Variants in ABTB2 observed in about 807,000 individuals in gnomAD.
ABTB2 encodes the protein ankyrin repeat and BTB domain containing 2.
In ABTB2, 56 loss-of-function variants were observed where a neutral mutation model predicts 104.1. The observed-to-expected ratio is 0.54, with a 90% CI of 0.43 to 0.67. The LOEUF is 0.67. Ranked by LOEUF, ABTB2 falls within the 30% of genes least tolerant of loss-of-function variation. The probability of loss-of-function intolerance (pLI) is 0.00; values close to 1 mark genes in which losing one functional copy is unlikely to be tolerated. For missense variants in ABTB2, 1,279 were observed against 1,407.7 expected, an observed-to-expected ratio of 0.91 and a Z score of 1.46; for synonymous variants, 606 against 608.2, an observed-to-expected ratio of 1.00 and a Z score of 0.05.
chr11:34,331,633 G>T (rs1409972712), intron 1 of ABTB2, among the ~76,000 whole-genome samples: 2 of 152,116 alleles, frequency 1.3e-5, no homozygotes, highest in African/African-American at 4.8e-5. Flanking sequence ...CTGTAATGAG[G>T]TTACTCTCTT....
In ABTB2 at chr11:34,169,727, TCC is replaced by T. The variant is rs1205221829; in HGVS notation, c.1563+1177_1563+1178del. ...TGGAAGTCCAGTGCTGGGCCTGTGG[TCC>T]TTCCCCAACCCCTGGCCTGGGTCCA... On this transcript the variant is annotated intron_variant, in intron 5 of 16. Coordinates refer to ENST00000435224, the MANE Select transcript of ABTB2 (RefSeq NM_145804.3). Among the ~76,000 whole-genome samples the T allele has an allele frequency of 1.1e-4, 16 of 152,064 alleles. No homozygotes were observed. The East Asian group carries it at 3.1e-3, about 29-fold the overall frequency.
chr11:34,312,722 A>G (rs1854872547), intron 1 of ABTB2, among the ~76,000 whole-genome samples: 1 of 152,082 alleles, frequency 6.6e-6, no homozygotes, highest in Admixed American at 6.5e-5. Context: ...CTTTTTGGAG[A>G]CAGGGTCCCA....
chr11:34,294,453 G>A (rs1484990278), intron 1 of ABTB2, among the ~76,000 whole-genome samples: 1 of 152,218 alleles, frequency 6.6e-6, no homozygotes, highest in African/African-American at 2.4e-5. Context: ...CTTGATTGTT[G>A]CTGATGGGAG....
At position 34,160,278 on chromosome 11, in the gene ABTB2, C is replaced by T. The variant is rs2133004293; in HGVS notation, c.2473G>A (p.Glu825Lys). 6.2e-7 allele frequency: 1 copy of T among 1,614,116 alleles called. No homozygotes were observed. The highest frequency in any genetic ancestry group is 2.2e-5 in the East Asian group (1 of 44,858). Residue 825 changes from glutamate (E) to lysine (K), a missense_variant, in exon 12 of 17, where the codon GAG becomes AAG. Physicochemically the swap from Glu to Lys is moderately conservative, Grantham distance 56. Transcript: ENST00000435224. ...CTGGCCGGCAGGGTCTTCCGGATCT[C>T]TGGGATGCTGGGGATGGGACTGCTG... ...YGSSPIPSIP[E>K]IRKTLPARLD...
At chr11:34,335,427 A>G in intron 1 of ABTB2, 3 of 790,270 alleles carry the variant, frequency 3.8e-6, no homozygotes, top group Middle Eastern at 2.3e-4. Flanking sequence ...TTCAGTTTCT[A>G]CTTCTTCACT....
chr11:34,194,680 C>T (rs569354416), intron 3 of ABTB2, among the ~76,000 whole-genome samples: 8 of 152,030 alleles, frequency 5.3e-5, no homozygotes, highest in Admixed American at 3.9e-4. Flanking sequence ...ATCTGCTCAG[C>T]GACAGGAGCC....
chr11:34,324,817 C>A (rs1041147945), intron 1 of ABTB2, among the ~76,000 whole-genome samples: 22 of 152,194 alleles, frequency 1.4e-4, no homozygotes, highest in Admixed American at 1.3e-3. Context: ...CACAAAGACG[C>A]ACAAAGACAC....
chr11:34,341,885 A>G (rs1855265917), intron 1 of ABTB2, among the ~76,000 whole-genome samples: 1 of 152,192 alleles, frequency 6.6e-6, no homozygotes, highest in African/African-American at 2.4e-5. Context: ...TCCAAAACAA[A>G]TGACCTCTCC....
At chr11:34,190,543 C>T (rs923463049) in intron 3 of ABTB2, among the ~76,000 whole-genome samples, 1 of 152,152 alleles carries the variant, frequency 6.6e-6, no homozygotes, top group Non-Finnish European at 1.5e-5. Flanking sequence ...TCCATGGATC[C>T]GCAGGAGTCC....
intron 10 of ABTB2, among the ~76,000 whole-genome samples, chr11:34,162,068 G>A (rs1852728550): frequency 6.6e-6 from 1 of 152,204 alleles, no homozygotes; most frequent in Admixed American, 6.5e-5. Context: ...AGCCACAGAG[G>A]TGGGAGTTGA....
chr11:34,261,565 A>G (rs934290126), intron 1 of ABTB2, among the ~76,000 whole-genome samples: 2 of 152,086 alleles, frequency 1.3e-5, no homozygotes, highest in African/African-American at 4.8e-5. Flanking sequence ...ACAAAAGACA[A>G]TGATTGGCTT....
chr11:34,341,676 G>C (rs1185344926), intron 1 of ABTB2, among the ~76,000 whole-genome samples: 1 of 152,186 alleles, frequency 6.6e-6, no homozygotes, highest in Non-Finnish European at 1.5e-5. Context: ...GTATTGAACA[G>C]AGCAGCTCTG....
chr11:34,211,555 G>T (rs1271608495), intron 1 of ABTB2, among the ~76,000 whole-genome samples: 2 of 152,012 alleles, frequency 1.3e-5, no homozygotes, highest in African/African-American at 4.8e-5. Flanking sequence ...AAGTGGAATG[G>T]AATATGCCCC....
intron 11 of ABTB2, 95 bp downstream of exon 11, chr11:34,160,808 G>C (rs1852707387): frequency 7.3e-7 from 1 of 1,368,460 alleles, no homozygotes; most frequent in Non-Finnish European, 9.9e-7. Context: ...GGGGGTCCCT[G>C]TGTCTGTCCA....
chr11:34,312,420 G>T (rs1469282093), intron 1 of ABTB2, among the ~76,000 whole-genome samples: 1 of 152,166 alleles, frequency 6.6e-6, no homozygotes, highest in Admixed American at 6.5e-5. Context: ...CTGCTGTAGG[G>T]GGTCACCTTG....
chr11:34,347,473 T>C (rs1855347001), intron 1 of ABTB2, among the ~76,000 whole-genome samples: 2 of 151,876 alleles, frequency 1.3e-5, no homozygotes, highest in Non-Finnish European at 2.9e-5. Flanking sequence ...GAAAGGAAAC[T>C]GTGGGCCTCA....
Position 34,334,482 on chromosome 11 carries a change from C to A in ABTB2, c.883+22219G>T, listed in dbSNP as rs76703506. Among the ~76,000 whole-genome samples the A allele has an allele frequency of 2.8e-3, 433 of 152,244 alleles. 2 individuals are homozygous for A. The highest frequency in any genetic ancestry group is 9.8e-3 in the African/African-American group (409 of 41,534). On this transcript the variant is annotated intron_variant, in intron 1 of 16. Coordinates refer to ENST00000435224, the MANE Select transcript of ABTB2 (RefSeq NM_145804.3). ...ATAAATAGCTACCACCTATTGAGAACCCACTAATTTTTTAACCTCAGGTGC... is the reference window on the plus strand; with the variant it reads ...ATAAATAGCTACCACCTATTGAGAAACCACTAATTTTTTAACCTCAGGTGC...
At chr11:34,254,903 C>T (rs1196531847) in intron 1 of ABTB2, among the ~76,000 whole-genome samples, 9 of 152,084 alleles carry the variant, frequency 5.9e-5, no homozygotes, top group Admixed American at 1.3e-4. Context: ...AAACTCCTGA[C>T]CTCAAGTGAT....
intron 1 of ABTB2, among the ~76,000 whole-genome samples, chr11:34,345,246 A>C (rs1855316369): frequency 6.6e-6 from 1 of 152,108 alleles, no homozygotes; most frequent in African/African-American, 2.4e-5. Context: ...GCACGGAAGG[A>C]GCTTCTCCTT....
Sources: gnomAD v4.1 joint callset for allele counts (sites outside exome capture counted in the v4.1 genomes callset) on GRCh38, gnomAD v4.1.1 for gene constraint, MANE v1.5 for transcripts, NCBI Gene and HGNC (gene_info 2026-07-23, HGNC 2026-07-21) for gene names.